The following PLS3 variants were observed in gnomAD, a reference collection of about 807,000 sequenced individuals.
The protein encoded by PLS3 is plastin-3.
A neutral mutation model predicts 46.5 loss-of-function variants in PLS3; 11 were observed. The observed-to-expected ratio is 0.24, with a 90% confidence interval of 0.15 to 0.39. The LOEUF is 0.39. Among genes scored for constraint, PLS3 ranks in the 10% least tolerant of loss-of-function variants. The pLI, the probability that PLS3 is intolerant of heterozygous loss-of-function variation, is 1.00. For synonymous variants in PLS3, 167 were observed against 162.2 expected, an observed-to-expected ratio of 1.03 and a Z score of -0.22; for missense variants, 308 against 461.8, an observed-to-expected ratio of 0.67 and a Z score of 3.05.
At chrX:115,607,141 T>C (rs2074501507) in intron 1 of PLS3, among the ~76,000 whole-genome samples, 1 of 110,615 alleles carries the variant, frequency 9.0e-6, no homozygotes, top group African/African-American at 3.3e-5. Context: ...TAGTCTGAGC[T>C]ACTTGGGAAG....
At chrX:115,585,839 T>C (rs782206554) in intron 1 of PLS3, among the ~76,000 whole-genome samples, 4 of 111,826 alleles carry the variant, frequency 3.6e-5, no homozygotes, top group African/African-American at 1.3e-4. Context: ...CCGCATATTG[T>C]TTTACCGATA....
intron 1 of PLS3, 81 bp from the exon 2 acceptor site, chrX:115,610,162 T>A: frequency 2.4e-6 from 1 of 419,598 alleles, no homozygotes; most frequent in Non-Finnish European, 4.1e-6. Context: ...GTTTAAATTA[T>A]CCCTAAGATG....
At chrX:115,607,801 C>G in intron 1 of PLS3, among the ~76,000 whole-genome samples, 1 of 111,983 alleles carries the variant, frequency 8.9e-6, no homozygotes, top group Non-Finnish European at 1.9e-5. Flanking sequence ...GTGCGCCTGG[C>G]TGATGGTTTT....
chrX:115,638,915 C>A (rs1159041598), intron 8 of PLS3, among the ~76,000 whole-genome samples: 2 of 109,374 alleles, frequency 1.8e-5, no homozygotes, highest in African/African-American at 6.7e-5. Flanking sequence ...GGGGTTTCAC[C>A]GTGTTAGCCA....
At chrX:115,596,874 G>T (rs1235859533) in intron 1 of PLS3, among the ~76,000 whole-genome samples, 1 of 108,397 alleles carries the variant, frequency 9.2e-6, no homozygotes, top group African/African-American at 3.4e-5. Flanking sequence ...GCTGGGTGCG[G>T]TGGCTCACTC....
intron 1 of PLS3, among the ~76,000 whole-genome samples, chrX:115,562,019 G>T (rs1603211705): frequency 9.1e-6 from 1 of 110,461 alleles, no homozygotes; most frequent in East Asian, 2.9e-4. Context: ...CCTTTTTTCA[G>T]CTCCTTTGAC....
At chrX:115,601,529 T>G (rs782664247) in intron 1 of PLS3, among the ~76,000 whole-genome samples, 1 of 108,520 alleles carries the variant, frequency 9.2e-6, no homozygotes, top group Admixed American at 9.9e-5. Flanking sequence ...ATATACCTAA[T>G]GTAGATGACG....
intron 6 of PLS3, 93 bp from the exon 7 acceptor site, chrX:115,634,788 C>A: frequency 1.2e-6 from 1 of 806,230 alleles, no homozygotes; most frequent in East Asian, 3.2e-5. Context: ...GTATTAATTT[C>A]CTCATTGAAT....
At chrX:115,562,261 A>G (rs1478890787) in intron 1 of PLS3, 1 of 111,601 alleles carries the variant, frequency 9.0e-6, no homozygotes, top group East Asian at 2.9e-4. Flanking sequence ...GCCAGTCCCA[A>G]AGTTGCTGCC....
At position 115,624,842 on chromosome X, in the gene PLS3, T is replaced by A. The variant is rs782622260; in HGVS notation, c.237+2433T>A. ...ACATTTTAGAATTGGAAGGAATCAT[T>A]ATGTTTACACTCCTACACTTTTCAA... On this transcript the variant is annotated intron_variant, in intron 3 of 15. Transcript: ENST00000355899. 2.3e-4 allele frequency among the ~76,000 whole-genome samples: 26 copies of A among 112,023 alleles called. No homozygotes were observed. The South Asian group carries it at 9.7e-3, about 42-fold the overall frequency.
chrX:115,634,564 T>G (rs1453601535), intron 6 of PLS3, among the ~76,000 whole-genome samples: 2 of 111,791 alleles, frequency 1.8e-5, no homozygotes, highest in Non-Finnish European at 3.8e-5. Flanking sequence ...TTATAACACT[T>G]TACTCACATG....
chrX:115,602,151 A>G (rs1239098195), intron 1 of PLS3, among the ~76,000 whole-genome samples: 4 of 111,540 alleles, frequency 3.6e-5, no homozygotes, highest in African/African-American at 9.8e-5. Context: ...TTTAGTATAT[A>G]TGACTGTGAT....
chrX:115,615,495 G>GAGAC (rs1556636663), intron 2 of PLS3, among the ~76,000 whole-genome samples: 1 of 100,619 alleles, frequency 9.9e-6, no homozygotes, highest in Non-Finnish European at 2.0e-5. Flanking sequence ...ATCAGAGAGA[G>GAGAC]AGAGAGAGAG....
intron 1 of PLS3, among the ~76,000 whole-genome samples, chrX:115,568,315 C>T (rs191902859): frequency 9.7e-4 from 109 of 111,870 alleles, no homozygotes; most frequent in African/African-American, 3.4e-3. Context: ...TGTTTTCAAT[C>T]ACTTTGCTTT....
At chrX:115,567,462 G>A (rs1556630262) in intron 1 of PLS3, among the ~76,000 whole-genome samples, 3 of 109,840 alleles carry the variant, frequency 2.7e-5, no homozygotes, top group African/African-American at 9.9e-5. Flanking sequence ...ACGGTGGCAC[G>A]GGCTTGTAGT....
chrX:115,587,473 C>T (rs1022200335), intron 1 of PLS3, among the ~76,000 whole-genome samples: 2 of 112,023 alleles, frequency 1.8e-5, no homozygotes, highest in African/African-American at 3.2e-5. Flanking sequence ...CGGTGGCTCA[C>T]GCCTGTAATC....
At chrX:115,638,360 C>T (rs1417777020) in intron 8 of PLS3, among the ~76,000 whole-genome samples, 4 of 111,848 alleles carry the variant, frequency 3.6e-5, no homozygotes, top group African/African-American at 1.3e-4. Context: ...CTGCCCACCT[C>T]GGCTTCCCAA....
rs1556637739 is a variant in PLS3, at chrX:115,622,253, C to G, written c.81C>G (p.Asn27Lys). The change falls in exon 3 of 16, where the codon AAC (asparagine) becomes AAG (lysine). Residue 27 changes from asparagine (N) to lysine (K), a missense_variant. Transcript: ENST00000355899. ...CTCTCCTTTTTTACAAAGATCTCAACAGCAACGGATTCATTTGTGACTATG... is the reference window on the plus strand; with the variant it reads ...CTCTCCTTTTTTACAAAGATCTCAAGAGCAACGGATTCATTTGTGACTATG... ...LKEAFAKVDL[N>K]SNGFICDYEL... is the part of the protein sequence containing the mutation. 8.4e-7 allele frequency: 1 copy of G among 1,195,893 alleles called. No individual in the cohort carries two copies. Among genetic ancestry groups the G allele is most frequent in the East Asian group, 3.0e-5 (1 of 33,409 alleles).
At chrX:115,572,814 C>T (rs781878159) in intron 1 of PLS3, among the ~76,000 whole-genome samples, 5 of 111,267 alleles carry the variant, frequency 4.5e-5, no homozygotes, top group Non-Finnish European at 9.4e-5. Context: ...TGAATTTAGA[C>T]CGTGCCCGGT....
Sources: allele counts gnomAD v4.1 joint callset (sites outside exome capture counted in the v4.1 genomes callset), GRCh38; gene constraint gnomAD v4.1.1; transcripts MANE v1.5; gene names NCBI Gene and HGNC (gene_info 2026-07-23, HGNC 2026-07-21).